The following KIF26B variants were observed in gnomAD, a reference collection of about 807,000 sequenced individuals.
KIF26B encodes the protein kinesin-like protein KIF26B.
In KIF26B, 63 loss-of-function variants were observed where a neutral mutation model predicts 151.2. The observed-to-expected ratio is 0.42, with a 90% CI of 0.34 to 0.51. The LOEUF is 0.51. KIF26B is among the 20% of genes least tolerant of loss of function. The pLI, the probability that KIF26B is intolerant of heterozygous loss-of-function variation, is 0.07. For missense variants in KIF26B, 2,813 were observed against 2,913.6 expected (o/e 0.97, Z 0.79); for synonymous variants, 1,357 against 1,262.1 (o/e 1.08, Z -1.59).
rs370109927 is a variant in KIF26B, at chr1:245,706,215, G to C, written c.*3609G>C. The stretch of plus-strand genomic sequence containing the variant: ...ACCATCCAGGGTGGAGGTTCAAAAA[G>C]TCTTATACGCACCTACAAGTCTCAC... On this transcript the variant is annotated 3_prime_UTR_variant, in exon 15 of 15. Transcript: ENST00000407071. The C allele has an allele frequency of 2.0e-5, 3 of 152,312 alleles. No homozygotes were observed. The highest frequency in any genetic ancestry group is 2.1e-4 in the South Asian group (1 of 4,820). The allele number at this position is 152,312 out of a possible 1,614,324, so 9.4% of individuals were successfully genotyped here. A position where few individuals can be genotyped will look rare whatever the true frequency, so the allele number is the denominator to read the frequency against.
rs375497246 is a variant in KIF26B at position 245,698,848 on chromosome 1, G to A, written c.6028-39G>A. 6.1e-5 allele frequency: 98 copies of A among 1,599,132 alleles called. No homozygotes were observed. Among genetic ancestry groups the A allele is most frequent in the Non-Finnish European group, 7.9e-5 (93 of 1,170,418 alleles). On this transcript the variant is annotated intron_variant, in intron 13 of 14. Transcript: ENST00000407071. The surrounding 1 kb of genome is among the most constrained non-coding windows in gnomAD (Gnocchi z 4.0). Reference sequence around the variant, plus strand: ...TGCTCCTGTGGTGTGGGCTGGGTGTGAGCAGAAGGGCCCTTTCTCCTCTCT... The same window carrying A: ...TGCTCCTGTGGTGTGGGCTGGGTGTAAGCAGAAGGGCCCTTTCTCCTCTCT...
chr1:245,596,946 C>T (rs928422515), intron 5 of KIF26B, among the ~76,000 whole-genome samples: 9 of 152,062 alleles, frequency 5.9e-5, no homozygotes, highest in Admixed American at 6.6e-5. Context: ...TCAGACACTA[C>T]GACCGCAACC....
rs149645611 is a variant in KIF26B at position 245,555,527 on chromosome 1, G to A, written c.1350+14577G>A. Reference sequence around the variant, plus strand: ...CAGGAGGGAGCTCAGATGAGCGGGCGGTTGGGGGTCAGGAAGCGGCTGCTC... The same window carrying A: ...CAGGAGGGAGCTCAGATGAGCGGGCAGTTGGGGGTCAGGAAGCGGCTGCTC... On this transcript the variant is annotated intron_variant, in intron 5 of 14. Transcript: ENST00000407071. Among the ~76,000 whole-genome samples the A allele has an allele frequency of 2.2e-3, 329 of 152,276 alleles. 5 individuals are homozygous for A. Among genetic ancestry groups the A allele is most frequent in the African/African-American group, 7.7e-3 (320 of 41,556 alleles).
intron 5 of KIF26B, among the ~76,000 whole-genome samples, chr1:245,565,278 T>G (rs2042998008): frequency 6.7e-6 from 1 of 148,188 alleles, no homozygotes; most frequent in South Asian, 2.2e-4. Flanking sequence ...TCTGTTGTTT[T>G]TTTTGGGTTT....
chr1:245,394,365 G>A (rs1673771422), intron 3 of KIF26B, among the ~76,000 whole-genome samples: 1 of 152,196 alleles, frequency 6.6e-6, no homozygotes. Context: ...ACTAATGCCT[G>A]TAATCCTAGC....
At chr1:245,550,573 T>G (rs1006839679) in intron 5 of KIF26B, among the ~76,000 whole-genome samples, 2 of 152,224 alleles carry the variant, frequency 1.3e-5, no homozygotes, top group African/African-American at 4.8e-5. Flanking sequence ...GTGGTTAGGC[T>G]GGAGCAGCTC....
chr1:245,638,772 G>C (rs1033667981), intron 9 of KIF26B, among the ~76,000 whole-genome samples: 3 of 151,766 alleles, frequency 2.0e-5, no homozygotes, highest in Non-Finnish European at 4.4e-5. Flanking sequence ...CTGTTGATGT[G>C]TGATGTATTA....
chr1:245,219,969 C>T (rs1669731375), intron 2 of KIF26B, among the ~76,000 whole-genome samples: 1 of 152,162 alleles, frequency 6.6e-6, no homozygotes. Flanking sequence ...CTCCGAACAG[C>T]CCAAACTCTG....
chr1:245,622,555 G>A (rs967710308), intron 9 of KIF26B, among the ~76,000 whole-genome samples: 2 of 152,192 alleles, frequency 1.3e-5, no homozygotes, highest in Non-Finnish European at 2.9e-5. Flanking sequence ...GACACACGCG[G>A]GTCCCACACG....
chr1:245,532,926 A>C (rs1357497688), intron 4 of KIF26B, among the ~76,000 whole-genome samples: 1 of 152,216 alleles, frequency 6.6e-6, no homozygotes, highest in African/African-American at 2.4e-5. Flanking sequence ...GCTATGCCCA[A>C]ATACTTTTAA....
chr1:245,562,417 G>C (rs1198176204), intron 5 of KIF26B, among the ~76,000 whole-genome samples: 1 of 152,084 alleles, frequency 6.6e-6, no homozygotes. Flanking sequence ...TTTCATGCTT[G>C]GCTCCGTGGT....
chr1:245,192,280 G>A (rs947929237), intron 2 of KIF26B, among the ~76,000 whole-genome samples: 7 of 151,402 alleles, frequency 4.6e-5, no homozygotes, highest in Non-Finnish European at 1.0e-4. Flanking sequence ...AATGCTAAGT[G>A]ATAAAAAAGC....
chr1:245,386,067 C>T (rs1030973403), intron 3 of KIF26B, among the ~76,000 whole-genome samples: 1 of 152,010 alleles, frequency 6.6e-6, no homozygotes, highest in African/African-American at 2.4e-5. Flanking sequence ...ATGGTGAAAC[C>T]CCATCTCTAC....
chr1:245,556,263 CTCCTCCTCCTCTTCTTCTTCT>C (rs1558212938), intron 5 of KIF26B, among the ~76,000 whole-genome samples: 16 of 137,026 alleles, frequency 1.2e-4, no homozygotes, highest in South Asian at 2.3e-4. Flanking sequence ...TCCTTCCTCC[CTCCTCCTCCTCTTCTTCTTCT>C]TCCTCCTCCT....
chr1:245,155,638 G>T (rs1045179120), intron 1 of KIF26B, among the ~76,000 whole-genome samples, 151 bp downstream of exon 1: 11 of 152,204 alleles, frequency 7.2e-5, no homozygotes, highest in African/African-American at 2.4e-4. Flanking sequence ...GCGCGGAGGC[G>T]GGTCGGCCGC....
intron 4 of KIF26B, among the ~76,000 whole-genome samples, chr1:245,469,016 T>C (rs1659850856): frequency 6.6e-6 from 1 of 152,238 alleles, no homozygotes; most frequent in African/African-American, 2.4e-5. Context: ...ATGTATGTTG[T>C]ATTTTTGTGG....
At chr1:245,595,520 C>G (rs1008784952) in intron 5 of KIF26B, among the ~76,000 whole-genome samples, 3 of 152,172 alleles carry the variant, frequency 2.0e-5, no homozygotes, top group Admixed American at 6.5e-5. Context: ...CCGACCTGAT[C>G]GTGGTGGATA....
At chr1:245,482,861 T>G (rs1660197239) in intron 4 of KIF26B, among the ~76,000 whole-genome samples, 1 of 151,808 alleles carries the variant, frequency 6.6e-6, no homozygotes, top group African/African-American at 2.4e-5. Flanking sequence ...CCAGGTAGTC[T>G]GTGTTGTTGA....
intron 9 of KIF26B, among the ~76,000 whole-genome samples, chr1:245,623,243 TC>T (rs1372608120): frequency 6.6e-6 from 1 of 152,062 alleles, no homozygotes; most frequent in Non-Finnish European, 1.5e-5. Context: ...TCCTCTTCCT[TC>T]CTGTCTCCAG....
Sources: allele counts gnomAD v4.1 joint callset (sites outside exome capture counted in the v4.1 genomes callset), GRCh38; gene constraint gnomAD v4.1.1; non-coding constraint Gnocchi (gnomAD v3.1); transcripts MANE v1.5; gene names NCBI Gene and HGNC (gene_info 2026-07-23, HGNC 2026-07-21).